WWP1: variants seen among roughly 807,000 people sequenced by gnomAD.
WWP1 encodes WW domain containing E3 ubiquitin protein ligase 1.
A neutral mutation model predicts 130.6 loss-of-function variants in WWP1; 49 were observed. The ratio of observed to expected loss-of-function variants is 0.38; its 90% CI spans 0.30 to 0.48. The LOEUF (loss-of-function observed/expected upper bound fraction) is 0.48, where lower values mean the gene tolerates loss of function less well. Among genes scored for constraint, WWP1 ranks in the 20% least tolerant of loss-of-function variants. The pLI is 0.99. For synonymous variants in WWP1, 332 were observed against 367.8 expected (o/e 0.90, Z 1.11); for missense variants, 809 against 1,100.6 (o/e 0.74, Z 3.75).
chr8:86,467,066 T>A lies in WWP1; in HGVS notation c.*173T>A, dbSNP rs1812214646. 1.9e-6 allele frequency: 1 copy of A among 520,038 alleles called. No individual in the cohort carries two copies. The highest frequency in any genetic ancestry group is 3.4e-6 in the Non-Finnish European group (1 of 297,494). The allele number at this position is 520,038 out of a possible 1,614,324, so 32.2% of individuals were successfully genotyped here. ...CAAAACAGTTCATCCTTTTCTACTT[T>A]ATTTATTGTTCCCTTGAAATGACTG... On this transcript the variant is annotated 3_prime_UTR_variant, in exon 25 of 25. Coordinates refer to ENST00000517970, the MANE Select transcript of WWP1 (RefSeq NM_007013.4).
intron 20 of WWP1, among the ~76,000 whole-genome samples, chr8:86,448,874 C>T (rs750835355): frequency 1.6e-4 from 24 of 152,156 alleles, no homozygotes; most frequent in Non-Finnish European, 2.4e-4. Context: ...TTCACTCTGT[C>T]GCTCAGGCCG....
chr8:86,350,540 A>C (rs1822855994), intron 1 of WWP1, among the ~76,000 whole-genome samples: 1 of 152,128 alleles, frequency 6.6e-6, no homozygotes, highest in South Asian at 2.1e-4. Context: ...GGAGTTTGGT[A>C]ATTGGATGTA....
chr8:86,343,769 CTTCT>C (rs1004826728), intron 1 of WWP1, among the ~76,000 whole-genome samples: 2 of 151,776 alleles, frequency 1.3e-5, no homozygotes, highest in Non-Finnish European at 1.5e-5. Context: ...TTGATTTTGC[CTTCT>C]TTTTCTATTT....
At chr8:86,391,725 G>A (rs529149247) in intron 5 of WWP1, among the ~76,000 whole-genome samples, 4 of 152,244 alleles carry the variant, frequency 2.6e-5, no homozygotes, top group African/African-American at 9.6e-5. Flanking sequence ...AGTAGAGTCA[G>A]GAAAATGAAA....
At chr8:86,386,291 G>C (rs2130395524) in intron 5 of WWP1, among the ~76,000 whole-genome samples, 1 of 152,164 alleles carries the variant, frequency 6.6e-6, no homozygotes, top group South Asian at 2.1e-4. Context: ...TTATATCTAA[G>C]GTAGCTACTA....
At chr8:86,423,990 CCCCA>C (rs1224729926) in intron 9 of WWP1, among the ~76,000 whole-genome samples, 11 of 125,114 alleles carry the variant, frequency 8.8e-5, no homozygotes, top group Non-Finnish European at 1.9e-4. Context: ...TGGGGCTGCC[CCCCA>C]CCTCCCTCCC....
At chr8:86,459,451 G>C (rs1032991871) in intron 22 of WWP1, among the ~76,000 whole-genome samples, 1 of 152,108 alleles carries the variant, frequency 6.6e-6, no homozygotes, top group Admixed American at 6.5e-5. Flanking sequence ...GTGCTTTTTG[G>C]TTAAAAAGTT....
At chr8:86,366,546 G>A (rs1198273801) in intron 1 of WWP1, among the ~76,000 whole-genome samples, 2 of 152,184 alleles carry the variant, frequency 1.3e-5, no homozygotes, top group Non-Finnish European at 2.9e-5. Flanking sequence ...TTGAGCCTTA[G>A]TGATGAGTAG....
intron 9 of WWP1, among the ~76,000 whole-genome samples, chr8:86,420,440 T>C (rs73254767): frequency 0.041 from 6,258 of 152,254 alleles, 187 homozygotes; most frequent in African/African-American, 0.072. Context: ...AGAGTTTACA[T>C]AGTCATAATG....
chr8:86,437,766 G>A (rs34794500), intron 16 of WWP1, among the ~76,000 whole-genome samples: 41,051 of 152,050 alleles, frequency 0.27, 6,399 homozygotes, highest in East Asian at 0.54. Flanking sequence ...CATAGAGTCA[G>A]TTAACACATA....
intron 16 of WWP1, among the ~76,000 whole-genome samples, chr8:86,436,110 G>A (rs1419313839): frequency 6.6e-6 from 1 of 152,138 alleles, no homozygotes; most frequent in South Asian, 2.1e-4. Flanking sequence ...CGTCCTCACA[G>A]CATCCCTTTG....
chr8:86,346,955 C>T lies in WWP1; in HGVS notation c.-115+4025C>T, dbSNP rs540894607. Among the ~76,000 whole-genome samples, 27 of 152,148 alleles carry T rather than the reference C, an allele frequency of 1.8e-4. No individual in the cohort carries two copies. The South Asian group carries it at 5.4e-3, about 30-fold the overall frequency. Reference sequence around the variant, plus strand: ...ATTTATCATTTGGTTCTCATGACAACTGATAAGTTGGTGTGTTAGGAAGTA... The same window carrying T: ...ATTTATCATTTGGTTCTCATGACAATTGATAAGTTGGTGTGTTAGGAAGTA... On this transcript the variant is annotated intron_variant, in intron 1 of 24. Coordinates refer to ENST00000517970, the MANE Select transcript of WWP1 (RefSeq NM_007013.4).
At position 86,368,940 on chromosome 8, in the gene WWP1, G is replaced by T. The variant is rs1320380705; in HGVS notation, c.-113G>T. 6.6e-6 allele frequency: 1 copy of T among 152,130 alleles called. No individual in the cohort carries two copies. Among genetic ancestry groups the T allele is most frequent in the Non-Finnish European group, 1.5e-5 (1 of 68,030 alleles). The allele number at this position is 152,130 out of a possible 1,614,324, so 9.4% of individuals were successfully genotyped here. ...TGAAAGCTATTTATTTGTTTACAGGGTTGTCTCCTCACAGACTATGAGCTC... is the reference window on the plus strand; with the variant it reads ...TGAAAGCTATTTATTTGTTTACAGGTTTGTCTCCTCACAGACTATGAGCTC... On this transcript the variant is annotated splice_region_variant and 5_prime_UTR_variant, in exon 2 of 25. Transcript: ENST00000517970.
At chr8:86,424,743 G>A (rs960768574) in intron 9 of WWP1, among the ~76,000 whole-genome samples, 16 of 150,634 alleles carry the variant, frequency 1.1e-4, no homozygotes, top group Non-Finnish European at 1.8e-4. Flanking sequence ...GCAGTGAGCC[G>A]AGATGGCAGC....
At position 86,464,917 on chromosome 8, in the gene WWP1, G is replaced by A. The variant is rs1006486517; in HGVS notation, c.2670-1877G>A. ...GATCCATATGTATACACACATGCGC[G>A]CGCGTGTGTGTGTGTATTGAGAGAG... On this transcript the variant is annotated intron_variant, in intron 24 of 24. Coordinates refer to ENST00000517970, the MANE Select transcript of WWP1 (RefSeq NM_007013.4). Among the ~76,000 whole-genome samples, 22 of 138,114 alleles carry A rather than the reference G, an allele frequency of 1.6e-4. 1 individual carries two copies. The East Asian group carries it at 2.5e-3, about 16-fold the overall frequency. 90.6% of individuals were successfully genotyped at this position (138,114 alleles called of 152,430 possible).
intron 22 of WWP1, 102 bp from the exon 23 acceptor site, chr8:86,461,122 T>G (rs1811747690): frequency 8.9e-7 from 1 of 1,118,850 alleles, no homozygotes; most frequent in East Asian, 2.5e-5. Context: ...AGCACATCTT[T>G]TGAACCAATT....
chr8:86,460,298 G>T (rs1295603564), intron 22 of WWP1, among the ~76,000 whole-genome samples: 1 of 152,192 alleles, frequency 6.6e-6, no homozygotes, highest in Non-Finnish European at 1.5e-5. Flanking sequence ...TTTTCTGTAG[G>T]TTAAAGGGGA....
At chr8:86,343,974 A>G (rs940530894) in intron 1 of WWP1, among the ~76,000 whole-genome samples, 8 of 151,610 alleles carry the variant, frequency 5.3e-5, no homozygotes, top group Non-Finnish European at 1.2e-4. Context: ...TTTTTTTTTA[A>G]CAAGAGTTCA....
At chr8:86,412,754 A>T (rs1808660760) in intron 9 of WWP1, among the ~76,000 whole-genome samples, 1 of 143,928 alleles carries the variant, frequency 6.9e-6, no homozygotes, top group African/African-American at 2.6e-5. Flanking sequence ...GGCTCGTCTG[A>T]TGTTGTCCAC....
Sources: gnomAD v4.1 joint callset for allele counts (sites outside exome capture counted in the v4.1 genomes callset) on GRCh38, gnomAD v4.1.1 for gene constraint, MANE v1.5 for transcripts, NCBI Gene and HGNC (gene_info 2026-07-23, HGNC 2026-07-21) for gene names.